The following TFEC variants were observed in gnomAD, a reference collection of about 807,000 sequenced individuals.
TFEC encodes transcription factor EC.
A neutral mutation model predicts 41.6 loss-of-function variants in TFEC; 31 were observed. The observed-to-expected ratio is 0.74, with a 90% CI of 0.56 to 1.01. The LOEUF is 1.01. Ranked by LOEUF, TFEC falls within the 50% of genes least tolerant of loss-of-function variation. The pLI, the probability that TFEC is intolerant of heterozygous loss-of-function variation, is 0.00. For synonymous variants in TFEC, 143 were observed against 140.6 expected (o/e 1.02, Z -0.12); for missense variants, 402 against 404.1 (o/e 0.99, Z 0.04).
chr7:116,048,991 T>A (rs1223159200), intron 3 of TFEC, among the ~76,000 whole-genome samples: 1 of 152,056 alleles, frequency 6.6e-6, no homozygotes, highest in Admixed American at 6.6e-5. Context: ...GCACTAAACA[T>A]GGAAAGGAAC....
chr7:115,993,808 C>A (rs1382733419), intron 1 of TFEC, among the ~76,000 whole-genome samples: 1 of 147,802 alleles, frequency 6.8e-6, no homozygotes, highest in African/African-American at 2.4e-5. Context: ...TCAATACCAT[C>A]CCCATCAAGC....
upstream of TFEC, among the ~76,000 whole-genome samples, chr7:116,035,069 G>C (rs904467303): frequency 6.6e-6 from 1 of 151,604 alleles, no homozygotes; most frequent in Non-Finnish European, 1.5e-5. Flanking sequence ...ACAGCTTCAC[G>C]AAGACCAGGA....
chr7:115,959,849 A>G (rs1792438293), intron 3 of TFEC, among the ~76,000 whole-genome samples: 1 of 151,612 alleles, frequency 6.6e-6, no homozygotes, highest in East Asian at 1.9e-4. Flanking sequence ...GAACACCTAA[A>G]CAATACAGGG....
chr7:116,101,030 C>A (rs1341140002), intron 3 of TFEC, among the ~76,000 whole-genome samples: 2 of 151,862 alleles, frequency 1.3e-5, no homozygotes, highest in East Asian at 3.9e-4. Flanking sequence ...TTTAAAATTT[C>A]TTTAAATAAG....
intron 3 of TFEC, 136 bp downstream of exon 3, chr7:115,974,034 T>C (rs1248244001): frequency 7.9e-6 from 5 of 632,630 alleles, no homozygotes; most frequent in African/African-American, 5.7e-5. Flanking sequence ...CACCAATAAA[T>C]ATTTTCTAGT....
intron 3 of TFEC, among the ~76,000 whole-genome samples, chr7:116,041,279 A>C (rs1379384435): frequency 6.6e-6 from 1 of 152,082 alleles, no homozygotes; most frequent in African/African-American, 2.4e-5. Flanking sequence ...AAAGAAAGGA[A>C]GCATTAAAAA....
intron 3 of TFEC, among the ~76,000 whole-genome samples, chr7:116,038,435 T>A (rs1181222715): frequency 6.6e-6 from 1 of 152,002 alleles, no homozygotes; most frequent in Non-Finnish European, 1.5e-5. Flanking sequence ...AAACGACTGA[T>A]AAGACTTAAA....
chr7:115,959,486 A>G (rs1792416900), intron 3 of TFEC, among the ~76,000 whole-genome samples: 1 of 151,826 alleles, frequency 6.6e-6, no homozygotes, highest in Non-Finnish European at 1.5e-5. Flanking sequence ...TGCTATCTAC[A>G]GTAACTAATA....
At chr7:115,960,902 C>T (rs10281257) in intron 3 of TFEC, among the ~76,000 whole-genome samples, 94,290 of 151,366 alleles carry the variant, frequency 0.62, 29,957 homozygotes, top group African/African-American at 0.71. Context: ...AGGGCTTTCA[C>T]GCTTAAAAAA....
chr7:115,941,992 G>A lies in TFEC; in HGVS notation c.564C>T (p.Tyr188=). Residue 188 remains tyrosine, a synonymous_variant, in exon 7 of 8, where the codon TAC becomes TAT. Coordinates refer to ENST00000265440, the MANE Select transcript of TFEC (RefSeq NM_012252.4). ...GTTGTTCTTTTTGTAGCCACTTGAT[G>A]TACTCCACTGATGCTTTTAGAATGG... ...KGTILKASVE[Y]IKWLQKEQQR... The A allele has an allele frequency of 3.7e-6, 6 of 1,612,988 alleles. No homozygotes were observed. The highest frequency in any genetic ancestry group is 5.1e-6 in the Non-Finnish European group (6 of 1,179,310).
At chr7:116,101,194 C>CA (rs1797595920) in intron 3 of TFEC, among the ~76,000 whole-genome samples, 1 of 140,302 alleles carries the variant, frequency 7.1e-6, no homozygotes, top group African/African-American at 2.7e-5. Flanking sequence ...TCATGCCCCC[C>CA]CCCAAAAAAA....
At chr7:116,129,726 G>A (rs1373270377) in intron 1 of TFEC, among the ~76,000 whole-genome samples, 1 of 151,058 alleles carries the variant, frequency 6.6e-6, no homozygotes, top group East Asian at 2.0e-4. Flanking sequence ...CTGAGTAGCT[G>A]GGATTACAGG....
At position 116,095,352 on chromosome 7, in the gene TFEC, C is replaced by T. The variant is rs1797426296; in HGVS notation, c.198+15356G>A. 2.0e-5 allele frequency among the ~76,000 whole-genome samples: 3 copies of T among 152,170 alleles called. 1 individual carries two copies. In the South Asian group the frequency reaches 6.2e-4, roughly 31 times the overall value. ...ACAAAAGTGTGTGTGTTTAGGGGTA[C>T]AGGCATGCATGAGTGAAAAGGTGAC... On this transcript the variant is annotated intron_variant, in intron 3 of 8. Transcript: ENST00000484212.
chr7:116,095,751 T>C (rs1448984007), intron 3 of TFEC, among the ~76,000 whole-genome samples: 1 of 152,114 alleles, frequency 6.6e-6, no homozygotes, highest in East Asian at 1.9e-4. Context: ...TTCCTTTTAT[T>C]TTTTTTTCTA....
chr7:116,156,987 G>C (rs1798883487), intron 1 of TFEC, among the ~76,000 whole-genome samples: 1 of 151,948 alleles, frequency 6.6e-6, no homozygotes, highest in South Asian at 2.1e-4. Flanking sequence ...ATTTTATTTT[G>C]AAATAACTAC....
chr7:116,095,172 G>A (rs1797421947), intron 3 of TFEC, among the ~76,000 whole-genome samples: 1 of 152,138 alleles, frequency 6.6e-6, no homozygotes, highest in Admixed American at 6.5e-5. Flanking sequence ...GACCTTTTCA[G>A]AATGTAGTCT....
chr7:116,066,663 C>T (rs1004184392), intron 3 of TFEC, among the ~76,000 whole-genome samples: 3 of 151,924 alleles, frequency 2.0e-5, no homozygotes, highest in Admixed American at 6.6e-5. Context: ...GCAATTTAAC[C>T]AAGTTGTAAT....
At chr7:116,047,880 G>A (rs1235191571) in intron 3 of TFEC, among the ~76,000 whole-genome samples, 4 of 152,200 alleles carry the variant, frequency 2.6e-5, no homozygotes, top group Admixed American at 2.6e-4. Context: ...AGGGTCTGCA[G>A]TGGACCTCCA....
intron 6 of TFEC, among the ~76,000 whole-genome samples, chr7:115,948,150 A>G (rs1416322971): frequency 1.3e-5 from 2 of 152,024 alleles, no homozygotes; most frequent in Non-Finnish European, 1.5e-5. Flanking sequence ...TAAACCAGGA[A>G]GAAGTTGAAT....
Sources: allele counts gnomAD v4.1 joint callset (sites outside exome capture counted in the v4.1 genomes callset), GRCh38; gene constraint gnomAD v4.1.1; transcripts MANE v1.5; gene names NCBI Gene and HGNC (gene_info 2026-07-23, HGNC 2026-07-21).